INPP5F: variants seen among roughly 807,000 people sequenced by gnomAD.
INPP5F encodes the protein inositol polyphosphate-5-phosphatase F, also known as phosphatidylinositide 4-phosphatase SAC2.
A neutral mutation model predicts 137.2 loss-of-function variants in INPP5F; 97 were observed. The ratio of observed to expected loss-of-function variants is 0.71; its 90% CI spans 0.60 to 0.84. The LOEUF (loss-of-function observed/expected upper bound fraction) is 0.84. Ranked by LOEUF, INPP5F falls within the 40% of genes least tolerant of loss-of-function variation. The pLI, the probability that INPP5F is intolerant of heterozygous loss-of-function variation, is 0.00. For missense variants in INPP5F, 1,271 were observed against 1,371.9 expected (o/e 0.93, Z 1.16); for synonymous variants, 504 against 476.9 (o/e 1.06, Z -0.74).
At chr10:119,772,740 C>T (rs1849404155) in intron 2 of INPP5F, among the ~76,000 whole-genome samples, 1 of 151,956 alleles carries the variant, frequency 6.6e-6, no homozygotes, top group Non-Finnish European at 1.5e-5. Flanking sequence ...ATTATTTCAA[C>T]ATTGTTTTAA....
chr10:119,763,108 A>G (rs556345096), intron 2 of INPP5F, among the ~76,000 whole-genome samples: 1 of 152,344 alleles, frequency 6.6e-6, no homozygotes, highest in South Asian at 2.1e-4. Flanking sequence ...CCATTTTCAA[A>G]AGAGAAATAG....
chr10:119,772,805 G>A lies in INPP5F; in HGVS notation c.179-8830G>A, dbSNP rs890204530. ...GTAGCCCAGGCTGGAGTGCAGTGGC[G>A]CAATCTTGGCTCACCGCAACCTCCA... On this transcript the variant is annotated intron_variant, in intron 2 of 19. Coordinates refer to ENST00000650623, the MANE Select transcript of INPP5F (RefSeq NM_014937.4). Among the ~76,000 whole-genome samples, 15 of 150,088 alleles carry A rather than the reference G, an allele frequency of 1.0e-4. No homozygotes were observed. In the South Asian group the frequency reaches 2.1e-3, roughly 21 times the overall value.
At chr10:119,819,467 A>G in intron 15 of INPP5F, 1 of 1,592,868 alleles carries the variant, frequency 6.3e-7, no homozygotes, top group South Asian at 1.1e-5. Flanking sequence ...TAGTAGTAGA[A>G]TTTATTTCAT....
At chr10:119,770,856 T>A (rs1849312645) in intron 2 of INPP5F, among the ~76,000 whole-genome samples, 1 of 152,192 alleles carries the variant, frequency 6.6e-6, no homozygotes, top group African/African-American at 2.4e-5. Flanking sequence ...TACTTTTAGT[T>A]TTTTATCCTC....
chr10:119,811,728 G>C (rs1415887445), intron 14 of INPP5F, 29 bp from the exon 15 acceptor site: 1 of 1,538,864 alleles, frequency 6.5e-7, no homozygotes, highest in Non-Finnish European at 8.9e-7. Context: ...AAACTAAAAT[G>C]ATGATAGATA....
At chr10:119,736,696 A>C (rs968855501) in intron 1 of INPP5F, among the ~76,000 whole-genome samples, 1 of 152,182 alleles carries the variant, frequency 6.6e-6, no homozygotes, top group South Asian at 2.1e-4. Flanking sequence ...TTTATGCTTC[A>C]TATAGAGAAT....
At chr10:119,789,531 T>C (rs2134200252) in intron 3 of INPP5F, among the ~76,000 whole-genome samples, 1 of 151,978 alleles carries the variant, frequency 6.6e-6, no homozygotes, top group Non-Finnish European at 1.5e-5. Context: ...AGGGGAGTGA[T>C]GGTCGTGAAA....
In INPP5F at chr10:119,827,096, C is replaced by T. The variant is rs1466926010; in HGVS notation, c.2715C>T (p.Ser905=). The change falls in exon 20 of 20, where the codon TCC becomes TCT. Residue 905 remains serine, a synonymous_variant. Transcript: ENST00000650623. ...IASAPRLGSR[S]QSLSSTDSSV... is the part of the protein sequence containing the mutation. Reference sequence around the variant, plus strand: ...CAGCGCCTCGATTGGGCAGTCGGTCCCAGTCTCTTAGCAGCACAGATAGTA... The same window carrying T: ...CAGCGCCTCGATTGGGCAGTCGGTCTCAGTCTCTTAGCAGCACAGATAGTA... 1.9e-6 allele frequency: 3 copies of T among 1,614,042 alleles called. No individual in the cohort carries two copies. Among genetic ancestry groups the T allele is most frequent in the Non-Finnish European group, 2.5e-6 (3 of 1,180,032 alleles).
In INPP5F at chr10:119,823,844, C is replaced by T. The variant is rs1174640459; in HGVS notation, c.2191C>T (p.Gln731Ter). 1.2e-6 allele frequency: 2 copies of T among 1,613,844 alleles called. No individual in the cohort carries two copies. Among genetic ancestry groups the T allele is most frequent in the Non-Finnish European group, 1.7e-6 (2 of 1,179,946 alleles). ...CCTTCAGTGCATTGCAGAGATGCTGCAGATCACCAAGCAAGCCATGGGATC... is the reference window on the plus strand; with the variant it reads ...CCTTCAGTGCATTGCAGAGATGCTGTAGATCACCAAGCAAGCCATGGGATC... ...DTLQCIAEML[Q>*]ITKQAMGSDL... The change falls in exon 19 of 20, where the codon CAG (glutamine) becomes TAG (stop). Residue 731 changes from glutamine (Q) to a stop codon, truncating the protein, a stop_gained. Coordinates refer to ENST00000650623, the MANE Select transcript of INPP5F (RefSeq NM_014937.4). LOFTEE classifies it high-confidence loss of function.
At position 119,827,591 on chromosome 10, in the gene INPP5F, C is replaced by T. The variant is rs750836006; in HGVS notation, c.3210C>T (p.Pro1070=). 5 of 1,614,152 alleles carry T rather than the reference C, an allele frequency of 3.1e-6. No homozygotes were observed. The highest frequency in any genetic ancestry group is 3.4e-6 in the Non-Finnish European group (4 of 1,180,010). The change falls in exon 20 of 20, where the codon CCC becomes CCT. Residue 1070 remains proline (P), a synonymous_variant. Transcript: ENST00000650623. ...GCAGTAGCAGCAGAGCAGTCTCTCC[C>T]TTTGCCAAGATTCGAAGTTCCATGG... ...SESSSSRAVS[P]FAKIRSSMVQ... is the part of the protein sequence containing the mutation.
chr10:119,805,617 T>G lies in INPP5F; in HGVS notation c.1319+156T>G, dbSNP rs1485918209. 3.9e-5 allele frequency among the ~76,000 whole-genome samples: 6 copies of G among 152,172 alleles called. No homozygotes were observed. The East Asian group carries it at 9.6e-4, about 24-fold the overall frequency. Reference sequence around the variant, plus strand: ...TTTTCAAGAGAATGTTGCTGACCCTTAGGCAGGTGGTGTTAGCTTTGAACA... The same window carrying G: ...TTTTCAAGAGAATGTTGCTGACCCTGAGGCAGGTGGTGTTAGCTTTGAACA... On this transcript the variant is annotated intron_variant, in intron 11 of 19. Transcript: ENST00000650623.
At chr10:119,742,436 A>G (rs1738324262) in intron 1 of INPP5F, among the ~76,000 whole-genome samples, 1 of 152,046 alleles carries the variant, frequency 6.6e-6, no homozygotes, top group African/African-American at 2.4e-5. Flanking sequence ...CATTACAGGC[A>G]TGAGGCACTG....
Position 119,791,697 on chromosome 10 carries a change from TAGAG to T in INPP5F, c.444+56_444+59del, listed in dbSNP as rs545786957. 1.7e-3 allele frequency: 2,554 copies of T among 1,491,838 alleles called. 8 individuals are homozygous for T. The highest frequency in any genetic ancestry group is 2.2e-3 in the Non-Finnish European group (2,348 of 1,088,228). The allele number at this position is 1,491,838 out of a possible 1,614,324, so 92.4% of individuals were successfully genotyped here. A position where few individuals can be genotyped will look rare whatever the true frequency, so the allele number is the denominator to read the frequency against. The stretch of plus-strand genomic sequence containing the variant: ...GAATTCACCTTTGATTAGTTTTAAA[TAGAG>T]AGATAATTCTCCACTCAGAAAATTT... On this transcript the variant is annotated intron_variant, in intron 4 of 19. Transcript: ENST00000650623.
Position 119,823,821 on chromosome 10 carries a change from T to C in INPP5F, c.2168T>C (p.Leu723Pro). 6.2e-7 allele frequency: 1 copy of C among 1,613,554 alleles called. No individual in the cohort carries two copies. Among genetic ancestry groups the C allele is most frequent in the Admixed American group, 1.7e-5 (1 of 59,960 alleles). ...RNPEEDGKDTLQCIAEMLQIT... is the reference protein window; with the variant it reads ...RNPEEDGKDTPQCIAEMLQIT... ...AGTTATATTTGGGTTGCAGATACCCTTCAGTGCATTGCAGAGATGCTGCAG... is the reference window on the plus strand; with the variant it reads ...AGTTATATTTGGGTTGCAGATACCCCTCAGTGCATTGCAGAGATGCTGCAG... Residue 723 changes from leucine (L) to proline (P), a missense_variant, in exon 19 of 20, where the codon CTT (leucine) becomes CCT (proline). This residue lies in a region of INPP5F where 593 missense variants were observed against 712.4 expected (regional missense o/e 0.83). Coordinates refer to ENST00000650623, the MANE Select transcript of INPP5F (RefSeq NM_014937.4).
At chr10:119,738,201 CATT>C (rs1400560265) in intron 1 of INPP5F, among the ~76,000 whole-genome samples, 1 of 152,152 alleles carries the variant, frequency 6.6e-6, no homozygotes, top group African/African-American at 2.4e-5. Flanking sequence ...GTGTATGTTG[CATT>C]ATTATTTCAC....
intron 1 of INPP5F, among the ~76,000 whole-genome samples, chr10:119,744,785 A>G (rs972329344): frequency 1.4e-4 from 22 of 152,106 alleles, no homozygotes; most frequent in African/African-American, 5.1e-4. Flanking sequence ...ACCTCAAGTA[A>G]TCATCCTGCT....
At chr10:119,806,791 G>C (rs1020291980) in intron 12 of INPP5F, among the ~76,000 whole-genome samples, 1 of 151,856 alleles carries the variant, frequency 6.6e-6, no homozygotes, top group African/African-American at 2.4e-5. Flanking sequence ...TTTGGGGCTG[G>C]AAGTCTTGAT....
chr10:119,824,012 G>A, intron 19 of INPP5F, 110 bp downstream of exon 19: 4 of 695,646 alleles, frequency 5.8e-6, no homozygotes, highest in South Asian at 4.0e-5. Flanking sequence ...GTAAGGTGTT[G>A]GTATTTAGAG....
At chr10:119,765,257 C>T (rs1368020510) in intron 2 of INPP5F, among the ~76,000 whole-genome samples, 1 of 151,878 alleles carries the variant, frequency 6.6e-6, no homozygotes, top group Non-Finnish European at 1.5e-5. Context: ...TGTAAGAATA[C>T]AGTATATAAT....
Sources: allele counts gnomAD v4.1 joint callset (sites outside exome capture counted in the v4.1 genomes callset), GRCh38; gene constraint gnomAD v4.1.1; regional missense constraint gnomAD v4.1.1; transcripts MANE v1.5; gene names NCBI Gene and HGNC (gene_info 2026-07-23, HGNC 2026-07-21).